Variants in RRP15 observed in about 807,000 individuals in gnomAD.
The protein encoded by RRP15 is ribosomal RNA processing 15 homolog.
A neutral mutation model predicts 27.1 loss-of-function variants in RRP15; 18 were observed. The observed-to-expected ratio is 0.66, with a 90% CI of 0.46 to 0.98. The LOEUF (loss-of-function observed/expected upper bound fraction) is 0.98, where lower values mean the gene tolerates loss of function less well. Ranked by LOEUF, RRP15 falls within the 50% of genes least tolerant of loss-of-function variation. The pLI, the probability that RRP15 is intolerant of heterozygous loss-of-function variation, is 0.00. For missense variants in RRP15, 359 were observed against 337.8 expected, an observed-to-expected ratio of 1.06 and a Z score of -0.49; for synonymous variants, 107 against 109.4, an observed-to-expected ratio of 0.98 and a Z score of 0.14.
chr1:218,304,003 A>T (rs897448167), intron 2 of RRP15, among the ~76,000 whole-genome samples: 1 of 151,772 alleles, frequency 6.6e-6, no homozygotes, highest in African/African-American at 2.4e-5. Flanking sequence ...GTAAGATTTT[A>T]AAAAAAAATT....
intron 4 of RRP15, among the ~76,000 whole-genome samples, chr1:218,308,208 T>C (rs1004713210): frequency 6.0e-5 from 9 of 150,938 alleles, no homozygotes; most frequent in Admixed American, 6.6e-5. Context: ...AGTAGCCAGG[T>C]TTACAGGCAC....
At chr1:218,291,170 G>T (rs1342338485) in intron 1 of RRP15, among the ~76,000 whole-genome samples, 1 of 151,740 alleles carries the variant, frequency 6.6e-6, no homozygotes, top group Non-Finnish European at 1.5e-5. Flanking sequence ...GGACATGGTG[G>T]CTCACACCTG....
chr1:218,302,528 TA>T lies in RRP15; in HGVS notation c.377del (p.Lys126SerfsTer5). ...NKKLEKEKEK[L>X]KQERLEKIKQ... is the part of the protein sequence containing the mutation. Reference sequence around the variant, plus strand: ...AAGCTGGAAAAGGAAAAAGAAAAGTTAAAGCAAGAAAGACTAGAGAAAATAA... The same window carrying T: ...AAGCTGGAAAAGGAAAAAGAAAAGTTAAGCAAGAAAGACTAGAGAAAATAA... On this transcript the variant is annotated frameshift_variant, in exon 2 of 5. Coordinates refer to ENST00000366932, the MANE Select transcript of RRP15 (RefSeq NM_016052.4). LOFTEE classifies it high-confidence loss of function. The T allele has an allele frequency of 6.2e-7, 1 of 1,613,048 alleles. No individual in the cohort carries two copies. The highest frequency in any genetic ancestry group is 8.5e-7 in the Non-Finnish European group (1 of 1,179,722).
chr1:218,316,683 G>A (rs940218297), intron 4 of RRP15, among the ~76,000 whole-genome samples: 6 of 152,130 alleles, frequency 3.9e-5, no homozygotes, highest in African/African-American at 1.4e-4. Flanking sequence ...TTAGAATGAT[G>A]CTTAACACAT....
At chr1:218,302,768 C>T in intron 2 of RRP15, 1 of 641,308 alleles carries the variant, frequency 1.6e-6, no homozygotes, top group Non-Finnish European at 2.4e-6. Context: ...TATGCAAAGG[C>T]AAAGTAATAG....
chr1:218,296,403 C>T (rs1260337269), intron 1 of RRP15, among the ~76,000 whole-genome samples: 2 of 151,982 alleles, frequency 1.3e-5, no homozygotes, highest in Admixed American at 6.6e-5. Context: ...TCCTGAATTC[C>T]AGCACTTTGG....
intron 4 of RRP15, among the ~76,000 whole-genome samples, chr1:218,311,671 C>A (rs1164998691): frequency 6.6e-6 from 1 of 152,194 alleles, no homozygotes; most frequent in Non-Finnish European, 1.5e-5. Context: ...TCGCCTCTCT[C>A]CTATGCAGTA....
intron 4 of RRP15, among the ~76,000 whole-genome samples, chr1:218,320,482 A>C (rs1403902791): frequency 6.6e-6 from 1 of 152,126 alleles, no homozygotes; most frequent in East Asian, 1.9e-4. Flanking sequence ...TGGCTTGGTC[A>C]CCTTAGTTAA....
At chr1:218,330,550 G>A (rs982571337) in intron 4 of RRP15, among the ~76,000 whole-genome samples, 1 of 151,878 alleles carries the variant, frequency 6.6e-6, no homozygotes, top group African/African-American at 2.4e-5. Context: ...TGTCAGTTGC[G>A]GTGAAATAAT....
At chr1:218,290,866 A>C (rs1384793361) in intron 1 of RRP15, among the ~76,000 whole-genome samples, 1 of 152,176 alleles carries the variant, frequency 6.6e-6, no homozygotes, top group Non-Finnish European at 1.5e-5. Flanking sequence ...CGGGGGGCAT[A>C]CATCTGTAAT....
At chr1:218,308,997 A>G (rs1655946378) in intron 4 of RRP15, among the ~76,000 whole-genome samples, 1 of 152,176 alleles carries the variant, frequency 6.6e-6, no homozygotes, top group South Asian at 2.1e-4. Context: ...AGAAGCACAT[A>G]CTTTTGCTTT....
chr1:218,329,837 T>TA (rs1160095245), intron 4 of RRP15, among the ~76,000 whole-genome samples: 1 of 151,722 alleles, frequency 6.6e-6, no homozygotes, highest in African/African-American at 2.4e-5. Context: ...TTTTTTTTTT[T>TA]AAATGGAATG....
At chr1:218,297,346 G>A (rs987429490) in intron 1 of RRP15, among the ~76,000 whole-genome samples, 1 of 152,042 alleles carries the variant, frequency 6.6e-6, no homozygotes, top group Non-Finnish European at 1.5e-5. Flanking sequence ...CTCTACCACA[G>A]CCACATAAAA....
At position 218,307,596 on chromosome 1, in the gene RRP15, G is replaced by A. The variant is rs1015897273; in HGVS notation, c.669G>A (p.Glu223=). Residue 223 remains glutamate, a synonymous_variant, in exon 4 of 5, where the codon GAG becomes GAA. Transcript: ENST00000366932. ...VLRGMDGSTN[E]TASSRKKPKA... The stretch of plus-strand genomic sequence containing the variant: ...GAGGGATGGATGGAAGTACAAATGA[G>A]ACTGCTTCAAGCAGGAAGAAACCAA... 1 of 1,613,780 alleles carries A rather than the reference G, an allele frequency of 6.2e-7. No individual in the cohort carries two copies. The highest frequency in any genetic ancestry group is 1.3e-5 in the African/African-American group (1 of 74,934).
chr1:218,323,023 T>C (rs1021189859), intron 4 of RRP15, among the ~76,000 whole-genome samples: 14 of 152,182 alleles, frequency 9.2e-5, no homozygotes, highest in African/African-American at 3.4e-4. Flanking sequence ...AGGTGTACTG[T>C]AAGCAGCTTC....
chr1:218,337,398 T>C lies in RRP15; in HGVS notation c.*6307T>C, dbSNP rs1308531879. The C allele has an allele frequency of 6.6e-6, 1 of 152,218 alleles. No homozygotes were observed. Among genetic ancestry groups the C allele is most frequent in the Non-Finnish European group, 1.5e-5 (1 of 68,042 alleles). 9.4% of individuals were successfully genotyped at this position (152,218 alleles called of 1,614,324 possible). A position where few individuals can be genotyped will look rare whatever the true frequency, so the allele number is the denominator to read the frequency against. ...AGAAAATGCTGTGTGAACAGTATTA[T>C]ATAGAATTGTTTTTAATAGCAAGAA... On this transcript the variant is annotated 3_prime_UTR_variant, in exon 5 of 5. Transcript: ENST00000366932.
intron 4 of RRP15, among the ~76,000 whole-genome samples, chr1:218,328,148 A>G (rs980937086): frequency 5.9e-5 from 9 of 152,242 alleles, no homozygotes; most frequent in African/African-American, 2.2e-4. Context: ...AGAAACAAAA[A>G]CATCACCAAA....
intron 1 of RRP15, chr1:218,301,598 A>G (rs995451504): frequency 7.9e-5 from 12 of 152,578 alleles, no homozygotes; most frequent in South Asian, 2.1e-4. Context: ...ATAAAATTCA[A>G]TGGTACACTT....
chr1:218,320,375 A>G (rs1390927488), intron 4 of RRP15, among the ~76,000 whole-genome samples: 1 of 152,102 alleles, frequency 6.6e-6, no homozygotes, highest in Non-Finnish European at 1.5e-5. Context: ...CCATGTCCCT[A>G]CAAAGGACAT....
Sources: gnomAD v4.1 joint callset for allele counts (sites outside exome capture counted in the v4.1 genomes callset) on GRCh38, gnomAD v4.1.1 for gene constraint, MANE v1.5 for transcripts, NCBI Gene and HGNC (gene_info 2026-07-23, HGNC 2026-07-21) for gene names.